The following DNAH8 variants were observed in gnomAD, a reference collection of about 807,000 sequenced individuals.
DNAH8 encodes dynein axonemal heavy chain 8, also known as axonemal beta dynein heavy chain 8.
In DNAH8, 382 loss-of-function variants were observed where a neutral mutation model predicts 562.1. The ratio of observed to expected loss-of-function variants is 0.68; its 90% CI spans 0.63 to 0.74. The LOEUF is 0.74. Ranked by LOEUF, DNAH8 falls within the 30% of genes least tolerant of loss-of-function variation. The pLI, the probability that DNAH8 is intolerant of heterozygous loss-of-function variation, is 0.00. For synonymous variants in DNAH8, 1,881 were observed against 1,919.4 expected (o/e 0.98, Z 0.52); for missense variants, 5,203 against 5,620.4 (o/e 0.93, Z 2.37).
intron 68 of DNAH8, among the ~76,000 whole-genome samples, chr6:38,916,031 T>G (rs1406619689): frequency 1.3e-5 from 2 of 152,154 alleles, no homozygotes; most frequent in Non-Finnish European, 2.9e-5. Flanking sequence ...TCTATGGGGA[T>G]TATAATTTCT....
chr6:38,912,569 G>A (rs1026741622), intron 66 of DNAH8, among the ~76,000 whole-genome samples: 2 of 152,142 alleles, frequency 1.3e-5, no homozygotes, highest in East Asian at 1.9e-4. Context: ...CTTCTTCTGC[G>A]GTTTTCTCAT....
At chr6:38,752,748 A>G (rs1327360979) in intron 9 of DNAH8, among the ~76,000 whole-genome samples, 1 of 152,116 alleles carries the variant, frequency 6.6e-6, no homozygotes, top group East Asian at 1.9e-4. Context: ...GGAGGGAAAA[A>G]TGTCAGTTGA....
chr6:38,894,681 T>C lies in DNAH8; in HGVS notation c.8584-20T>C. Reference sequence around the variant, plus strand: ...TGTATCTGAAAACTAACTGAGAGTATTACATTTTTTCATCTCTAGGTGAAG... The same window carrying C: ...TGTATCTGAAAACTAACTGAGAGTACTACATTTTTTCATCTCTAGGTGAAG... On this transcript the variant is annotated intron_variant, in intron 58 of 92. Transcript: ENST00000327475. The C allele has an allele frequency of 6.2e-7, 1 of 1,600,296 alleles. No homozygotes were observed. Among genetic ancestry groups the C allele is most frequent in the East Asian group, 2.2e-5 (1 of 44,806 alleles).
rs539961847 is a variant in DNAH8, at chr6:38,840,699, T to C, written c.4467-1669T>C. 1.3e-4 allele frequency among the ~76,000 whole-genome samples: 20 copies of C among 152,322 alleles called. No individual in the cohort carries two copies. In the South Asian group the frequency reaches 2.5e-3, roughly 19 times the overall value. On this transcript the variant is annotated intron_variant, in intron 33 of 92. Transcript: ENST00000327475. ...TTTAATACTTGGGAAACACATTTCT[T>C]TGTCAATTTTCTTCTCTTTACCCTT...
At chr6:38,823,479 T>C in intron 27 of DNAH8, 83 bp from the exon 28 acceptor site, 1 of 1,089,696 alleles carries the variant, frequency 9.2e-7, no homozygotes, top group Non-Finnish European at 1.4e-6. Context: ...TAAATGTGTA[T>C]GAGCAAATGC....
chr6:38,951,383 A>C lies in DNAH8; in HGVS notation c.12314A>C (p.Lys4105Thr), dbSNP rs371021462. ...RKYIADSLEE[K>T]YTEPVILNLE... is the part of the protein sequence containing the mutation. ...TATATTGCAGATTCTTTGGAGGAGA[A>C]GTACACAGAACCAGTTATCTTAAAT... Residue 4105 changes from lysine to threonine, a missense_variant, in exon 82 of 93, where the codon AAG (lysine) becomes ACG (threonine). Physicochemically the swap from Lys to Thr is moderately conservative, Grantham distance 78. Transcript: ENST00000327475. 3.1e-6 allele frequency: 5 copies of C among 1,614,074 alleles called. No individual in the cohort carries two copies. Among genetic ancestry groups the C allele is most frequent in the Non-Finnish European group, 4.2e-6 (5 of 1,180,036 alleles).
intron 21 of DNAH8, among the ~76,000 whole-genome samples, chr6:38,796,887 T>G (rs1009467109): frequency 6.6e-6 from 1 of 152,216 alleles, no homozygotes; most frequent in Non-Finnish European, 1.5e-5. Context: ...CGGCTTGTCC[T>G]GTACACTTTA....
intron 3 of DNAH8, among the ~76,000 whole-genome samples, chr6:38,725,933 T>G (rs1322395916): frequency 6.6e-6 from 1 of 152,210 alleles, no homozygotes; most frequent in Non-Finnish European, 1.5e-5. Context: ...TGGTTTCCTT[T>G]CCCCAGTGAC....
chr6:38,797,142 C>G (rs1248872071), intron 21 of DNAH8, among the ~76,000 whole-genome samples: 1 of 152,084 alleles, frequency 6.6e-6, no homozygotes, highest in African/African-American at 2.4e-5. Context: ...GCCTGTAATC[C>G]CAGCACTTTG....
intron 47 of DNAH8, among the ~76,000 whole-genome samples, chr6:38,867,094 G>A (rs1777092886): frequency 1.3e-5 from 2 of 152,134 alleles, no homozygotes; most frequent in Non-Finnish European, 2.9e-5. Context: ...TGTACAGGGA[G>A]GCATGTACCC....
At chr6:38,909,015 T>C (rs1043509121) in intron 64 of DNAH8, among the ~76,000 whole-genome samples, 4 of 152,222 alleles carry the variant, frequency 2.6e-5, no homozygotes, top group African/African-American at 9.7e-5. Flanking sequence ...TTGGATAGTC[T>C]AATTGCCAAA....
At chr6:38,810,028 A>C (rs1055732021) in intron 24 of DNAH8, among the ~76,000 whole-genome samples, 2 of 152,140 alleles carry the variant, frequency 1.3e-5, no homozygotes, top group African/African-American at 4.8e-5. Flanking sequence ...CCTCTTAAAA[A>C]TATTTTATAC....
At chr6:38,984,347 C>A in intron 87 of DNAH8, 40 bp downstream of exon 87, 1 of 1,363,704 alleles carries the variant, frequency 7.3e-7, no homozygotes, top group Non-Finnish European at 1.0e-6. Flanking sequence ...AGACACATTT[C>A]ACTGTATTTT....
rs1224815691 is a variant in DNAH8 at position 38,883,379 on chromosome 6, T to C, written c.8059T>C (p.Leu2687=). 4 of 1,613,248 alleles carry C rather than the reference T, an allele frequency of 2.5e-6. No individual in the cohort carries two copies. The highest frequency in any genetic ancestry group is 1.3e-5 in the African/African-American group (1 of 74,906). The change falls in exon 55 of 93, where the codon TTG becomes CTG. Residue 2687 remains leucine (L), a synonymous_variant. Coordinates refer to ENST00000327475, the MANE Select transcript of DNAH8 (RefSeq NM_001206927.2). The stretch of plus-strand genomic sequence containing the variant: ...AAAAACTGTCATGGTTAAGGCCTAT[T>C]TGAAAAAATATGATCCTGAAGTACA... The part of the protein sequence containing the change: ...TAKTVMVKAY[L]KKYDPEVQLS...
chr6:38,925,935 A>G (rs1782081394), intron 73 of DNAH8, 120 bp from the exon 74 acceptor site: 2 of 943,718 alleles, frequency 2.1e-6, no homozygotes, highest in Non-Finnish European at 3.0e-6. Context: ...TACAAGTTGC[A>G]TAGTCTCAAA....
intron 61 of DNAH8, 107 bp downstream of exon 61, chr6:38,898,487 T>C: frequency 3.3e-6 from 3 of 911,146 alleles, no homozygotes; most frequent in South Asian, 2.6e-5. Flanking sequence ...AGGTACCGTA[T>C]AGAAGACTGT....
intron 33 of DNAH8, among the ~76,000 whole-genome samples, chr6:38,840,053 A>G (rs1325777880): frequency 1.3e-5 from 2 of 152,250 alleles, no homozygotes; most frequent in Non-Finnish European, 2.9e-5. Flanking sequence ...AGATGTATAT[A>G]TACAAAATGG....
chr6:38,945,453 A>C lies in DNAH8; in HGVS notation c.12008-14A>C, dbSNP rs778340387. 2 of 1,613,962 alleles carry C rather than the reference A, an allele frequency of 1.2e-6. No individual in the cohort carries two copies. Among genetic ancestry groups the C allele is most frequent in the Non-Finnish European group, 1.7e-6 (2 of 1,179,876 alleles). On this transcript the variant is annotated splice_polypyrimidine_tract_variant and intron_variant, in intron 79 of 92. Coordinates refer to ENST00000327475, the MANE Select transcript of DNAH8 (RefSeq NM_001206927.2). ...AGGCTTACCCAATTCACCCTGTCTGACGCTCTTCCCCAGGGGGAGCAGCTC... is the reference window on the plus strand; with the variant it reads ...AGGCTTACCCAATTCACCCTGTCTGCCGCTCTTCCCCAGGGGGAGCAGCTC...
chr6:38,934,409 C>CA (rs201176785), intron 76 of DNAH8, among the ~76,000 whole-genome samples: 148 of 150,620 alleles, frequency 9.8e-4, no homozygotes, highest in East Asian at 4.5e-3. Flanking sequence ...CACAAAAAAA[C>CA]AAAAAACAAA....
Sources: gnomAD v4.1 joint callset for allele counts (sites outside exome capture counted in the v4.1 genomes callset) on GRCh38, gnomAD v4.1.1 for gene constraint, MANE v1.5 for transcripts, NCBI Gene and HGNC (gene_info 2026-07-23, HGNC 2026-07-21) for gene names.